The following NPR3 variants were observed in gnomAD, a reference collection of about 807,000 sequenced individuals.
NPR3 encodes atrial natriuretic peptide receptor 3.
NPR3 carries 34 observed loss-of-function variants against 54.5 expected under a neutral mutation model. The observed-to-expected ratio is 0.62, with a 90% CI of 0.47 to 0.83. NPR3 has a LOEUF of 0.83. Ranked by LOEUF, NPR3 falls within the 40% of genes least tolerant of loss-of-function variation. The probability of loss-of-function intolerance (pLI) is 0.00; values close to 1 mark genes in which losing one functional copy is unlikely to be tolerated. For missense variants in NPR3, 674 were observed against 720.8 expected, an observed-to-expected ratio of 0.94 and a Z score of 0.74; for synonymous variants, 289 against 297.1, an observed-to-expected ratio of 0.97 and a Z score of 0.28.
At chr5:32,752,660 A>G (rs1236699081) in intron 3 of NPR3, among the ~76,000 whole-genome samples, 4 of 152,204 alleles carry the variant, frequency 2.6e-5, no homozygotes, top group African/African-American at 9.6e-5. Context: ...GAATAAAGGT[A>G]AACTACAAGT....
intron 3 of NPR3, among the ~76,000 whole-genome samples, chr5:32,742,332 A>T (rs1740079049): frequency 6.6e-6 from 1 of 152,076 alleles, no homozygotes. Context: ...TTGAAAGTGT[A>T]CTTAAGAAGC....
chr5:32,759,799 T>G (rs1158921677), intron 3 of NPR3, among the ~76,000 whole-genome samples: 1 of 152,226 alleles, frequency 6.6e-6, no homozygotes, highest in African/African-American at 2.4e-5. Flanking sequence ...AAGGCAGGCC[T>G]GGTGGTGACA....
intron 2 of NPR3, among the ~76,000 whole-genome samples, chr5:32,736,502 A>C (rs1355257533): frequency 1.3e-5 from 2 of 152,174 alleles, no homozygotes; most frequent in Non-Finnish European, 2.9e-5. Flanking sequence ...TCTTTGCCTA[A>C]GACATCACCT....
intron 1 of NPR3, among the ~76,000 whole-genome samples, chr5:32,724,427 C>A (rs980171459): frequency 2.6e-5 from 4 of 152,176 alleles, no homozygotes; most frequent in African/African-American, 4.8e-5. Context: ...TGTAGGCTGC[C>A]TATCTGGACA....
chr5:32,726,022 C>T (rs1186685527), intron 2 of NPR3, among the ~76,000 whole-genome samples: 2 of 152,142 alleles, frequency 1.3e-5, no homozygotes, highest in Admixed American at 6.5e-5. Context: ...ATTTCTCCCC[C>T]AAATGTGGTT....
At chr5:32,767,940 G>T (rs1741560780) in intron 3 of NPR3, among the ~76,000 whole-genome samples, 1 of 152,186 alleles carries the variant, frequency 6.6e-6, no homozygotes, top group African/African-American at 2.4e-5. Flanking sequence ...AAGTAATGAG[G>T]CCAGAAATTG....
chr5:32,724,666 T>G, intron 1 of NPR3, 32 bp from the exon 2 acceptor site: 1 of 1,613,362 alleles, frequency 6.2e-7, no homozygotes, highest in Non-Finnish European at 8.5e-7. Flanking sequence ...TGCAAAGGGG[T>G]GCCTCATGTG....
intron 1 of NPR3, among the ~76,000 whole-genome samples, chr5:32,701,741 C>T (rs979784319): frequency 1.3e-5 from 2 of 152,172 alleles, no homozygotes; most frequent in African/African-American, 4.8e-5. Flanking sequence ...AGGCGGCATC[C>T]CAAGCTCAGT....
In NPR3 at chr5:32,712,561, TCCCGGGC is replaced by T; in HGVS notation, c.769+26_769+32del. On this transcript the variant is annotated intron_variant, in intron 1 of 7. Transcript: ENST00000265074. ...AGTGAGAGAGGTGAGCAGGGGCGCGTCCCGGGCCCCGGGCCCTAACCCAACCGCTCTC... is the reference window on the plus strand; with the variant it reads ...AGTGAGAGAGGTGAGCAGGGGCGCGTCCCGGGCCCTAACCCAACCGCTCTC... 1 of 1,503,032 alleles carries T rather than the reference TCCCGGGC, an allele frequency of 6.7e-7. No homozygotes were observed. Among genetic ancestry groups the T allele is most frequent in the Non-Finnish European group, 8.8e-7 (1 of 1,131,388 alleles). 93.1% of individuals were successfully genotyped at this position (1,503,032 alleles called of 1,614,324 possible).
In NPR3 at chr5:32,692,939, A is replaced by G. The variant is rs148965284; in HGVS notation, c.100+3753A>G. ...AGTTTGAGACCCACCTGGGCCACATAGTGAGACCCCTGTCTCTACAAAAAA... is the reference window on the plus strand; with the variant it reads ...AGTTTGAGACCCACCTGGGCCACATGGTGAGACCCCTGTCTCTACAAAAAA... On this transcript the variant is annotated intron_variant, in intron 1 of 5. Coordinates refer to the NPR3 transcript ENST00000509104. Among the ~76,000 whole-genome samples, 571 of 152,252 alleles carry G rather than the reference A, an allele frequency of 3.8e-3. 2 individuals are homozygous for G. Among genetic ancestry groups the G allele is most frequent in the Middle Eastern group, 0.02 (6 of 294 alleles).
chr5:32,729,251 G>A (rs1024350391), intron 2 of NPR3, among the ~76,000 whole-genome samples: 5 of 151,682 alleles, frequency 3.3e-5, no homozygotes, highest in Admixed American at 6.6e-5. Flanking sequence ...GGATGGTCTC[G>A]ATCTCCTGAC....
intron 3 of NPR3, among the ~76,000 whole-genome samples, chr5:32,756,452 T>C (rs1325325282): frequency 6.6e-6 from 1 of 152,212 alleles, no homozygotes; most frequent in Non-Finnish European, 1.5e-5. Flanking sequence ...ATGGGGTTGT[T>C]TGTTTTTTTC....
At chr5:32,710,635 C>T (rs896049687), upstream of NPR3, 3 of 1,462,068 alleles carry the variant, frequency 2.1e-6, no homozygotes, top group African/African-American at 4.3e-5. Context: ...AGGTGACGCC[C>T]GGGCCAGCCG....
chr5:32,728,623 C>T (rs1739255105), intron 2 of NPR3, among the ~76,000 whole-genome samples: 1 of 151,510 alleles, frequency 6.6e-6, no homozygotes, highest in South Asian at 2.1e-4. Context: ...AATAAGAAAA[C>T]AGCTCAACTC....
intron 3 of NPR3, among the ~76,000 whole-genome samples, chr5:32,747,900 C>T (rs887181137): frequency 2.0e-5 from 3 of 151,942 alleles, no homozygotes; most frequent in African/African-American, 7.3e-5. Flanking sequence ...GGACTATAGG[C>T]GTGCTTCCAT....
At chr5:32,748,110 A>G (rs957002326) in intron 3 of NPR3, among the ~76,000 whole-genome samples, 1 of 152,102 alleles carries the variant, frequency 6.6e-6, no homozygotes, top group African/African-American at 2.4e-5. Flanking sequence ...TCTTACATTT[A>G]ATTGACAGTT....
rs1363433273 is a variant in NPR3, at chr5:32,743,996, T to C, written c.1059+4966T>C. 4.2e-4 allele frequency among the ~76,000 whole-genome samples: 61 copies of C among 144,684 alleles called. 2 individuals are homozygous for C. Among genetic ancestry groups the C allele is most frequent in the Admixed American group, 5.5e-4 (8 of 14,610 alleles). The allele number at this position is 144,684 out of a possible 152,430, so 94.9% of individuals were successfully genotyped here. ...TATTCCATTCTGATGCATTTTTTTT[T>C]TTTTTTTTTTTTTTTGAGACAGAGT... On this transcript the variant is annotated intron_variant, in intron 3 of 7. Transcript: ENST00000265074.
intron 3 of NPR3, among the ~76,000 whole-genome samples, chr5:32,752,424 C>T (rs1006351474): frequency 6.6e-6 from 1 of 151,958 alleles, no homozygotes; most frequent in Non-Finnish European, 1.5e-5. Flanking sequence ...AAATTTTAAG[C>T]TAATGGGAGA....
chr5:32,747,757 A>ATT (rs34349060), intron 3 of NPR3, among the ~76,000 whole-genome samples: 6 of 135,896 alleles, frequency 4.4e-5, no homozygotes, highest in African/African-American at 1.1e-4. Flanking sequence ...GGAGGCATGC[A>ATT]TTTTTTTTTT....
Sources: allele counts gnomAD v4.1 joint callset (sites outside exome capture counted in the v4.1 genomes callset), GRCh38; gene constraint gnomAD v4.1.1; transcripts MANE v1.5; gene names NCBI Gene and HGNC (gene_info 2026-07-23, HGNC 2026-07-21).